Variants in AJAP1 observed in about 807,000 individuals in gnomAD.
The protein encoded by AJAP1 is adherens junctions associated protein 1.
Under a neutral mutation model 35.0 loss-of-function variants are expected in AJAP1, and 5 were observed. The ratio of observed to expected loss-of-function variants is 0.14; its 90% CI spans 0.07 to 0.30. The LOEUF (loss-of-function observed/expected upper bound fraction) is 0.30. Ranked by LOEUF, AJAP1 falls within the 10% of genes least tolerant of loss-of-function variation. The pLI is 1.00. For missense variants in AJAP1, 586 were observed against 571.0 expected, an observed-to-expected ratio of 1.03 and a Z score of -0.27; for synonymous variants, 284 against 249.3, an observed-to-expected ratio of 1.14 and a Z score of -1.31.
At chr1:4,673,004 G>A (rs2100518174) in intron 1 of AJAP1, among the ~76,000 whole-genome samples, 1 of 152,286 alleles carries the variant, frequency 6.6e-6, no homozygotes, top group East Asian at 1.9e-4. Flanking sequence ...TGAAGATGAA[G>A]GAGTGCTTCC....
At chr1:4,706,965 T>C (rs57979322) in intron 1 of AJAP1, among the ~76,000 whole-genome samples, 3,207 of 152,284 alleles carry the variant, frequency 0.021, 90 homozygotes, top group South Asian at 0.12. Flanking sequence ...AAGGAGTTTA[T>C]TCTTTCTTTG....
At chr1:4,736,244 C>T (rs775291157) in intron 2 of AJAP1, among the ~76,000 whole-genome samples, 4 of 152,208 alleles carry the variant, frequency 2.6e-5, no homozygotes, top group Non-Finnish European at 4.4e-5. Context: ...TTGCCCCTCG[C>T]CTGCTCAAGA....
intron 2 of AJAP1, among the ~76,000 whole-genome samples, chr1:4,722,773 C>G (rs1459784777): frequency 5.3e-5 from 8 of 152,168 alleles, no homozygotes. Flanking sequence ...TCTAAGGACA[C>G]TTGTCATTGG....
rs900859737 is a variant in AJAP1 at position 4,761,800 on chromosome 1, A to G, written c.830-8053A>G. Among the ~76,000 whole-genome samples, 9 of 152,308 alleles carry G rather than the reference A, an allele frequency of 5.9e-5. No individual in the cohort carries two copies. The East Asian group carries it at 1.4e-3, about 23-fold the overall frequency. Reference sequence around the variant, plus strand: ...AACATGGGAGAAAGATGGAGGCCAGAAGACTAAACCCATCTAGTCTTCTCA... The same window carrying G: ...AACATGGGAGAAAGATGGAGGCCAGGAGACTAAACCCATCTAGTCTTCTCA... On this transcript the variant is annotated intron_variant, in intron 2 of 5. Coordinates refer to ENST00000378191, the MANE Select transcript of AJAP1 (RefSeq NM_018836.4).
rs1219672870 is a variant in AJAP1 at position 4,769,837 on chromosome 1, C to CT, written c.830-13dup. The CT allele has an allele frequency of 6.2e-7, 1 of 1,611,592 alleles. No individual in the cohort carries two copies. The highest frequency in any genetic ancestry group is 1.1e-5 in the South Asian group (1 of 91,034). ...TGGTTTCACGGGTGCCCTCTTCCCT[C>CT]TTTCCTTCTTTCCAGGTCTGGCTGT... On this transcript the variant is annotated splice_polypyrimidine_tract_variant and intron_variant, in intron 2 of 5. Transcript: ENST00000378191.
intron 1 of AJAP1, among the ~76,000 whole-genome samples, chr1:4,705,395 CTTTTTTT>C (rs58022692): frequency 0.021 from 487 of 23,734 alleles, 3 homozygotes; most frequent in South Asian, 0.12. Flanking sequence ...TTTTGAAGAG[CTTTTTTT>C]TTTTTTTTTT....
chr1:4,675,728 T>C (rs1639348384), intron 1 of AJAP1, among the ~76,000 whole-genome samples: 1 of 152,262 alleles, frequency 6.6e-6, no homozygotes. Flanking sequence ...CTGACCTCTC[T>C]TGGGCAAAGT....
At chr1:4,722,456 C>T (rs1024914110) in intron 2 of AJAP1, among the ~76,000 whole-genome samples, 4 of 152,256 alleles carry the variant, frequency 2.6e-5, no homozygotes, top group African/African-American at 4.8e-5. Context: ...GCTGGAGCCT[C>T]GTCCTCTATG....
intron 1 of AJAP1, among the ~76,000 whole-genome samples, chr1:4,675,662 TCAGG>T (rs1226922591): frequency 6.6e-6 from 1 of 152,210 alleles, no homozygotes; most frequent in African/African-American, 2.4e-5. Context: ...GAAATTCTTA[TCAGG>T]CAGGACATTC....
intron 1 of AJAP1, among the ~76,000 whole-genome samples, chr1:4,683,644 C>T (rs763238): frequency 0.21 from 31,367 of 152,196 alleles, 3,510 homozygotes; most frequent in Middle Eastern, 0.36. Context: ...GTCTTTCCCC[C>T]GGGGACTCTT....
chr1:4,730,522 G>A (rs1214316629), intron 2 of AJAP1, among the ~76,000 whole-genome samples: 1 of 152,230 alleles, frequency 6.6e-6, no homozygotes, highest in African/African-American at 2.4e-5. Flanking sequence ...TGCCGAAGCT[G>A]TTGCGTGTGT....
At chr1:4,770,624 C>G (rs1641813064) in intron 3 of AJAP1, among the ~76,000 whole-genome samples, 1 of 152,192 alleles carries the variant, frequency 6.6e-6, no homozygotes, top group South Asian at 2.1e-4. Flanking sequence ...TTTCGGCATC[C>G]AGGCTTAAAA....
At chr1:4,717,738 A>G (rs1015514975) in intron 2 of AJAP1, among the ~76,000 whole-genome samples, 5 of 152,208 alleles carry the variant, frequency 3.3e-5, no homozygotes, top group African/African-American at 1.2e-4. Flanking sequence ...CAAGCCAGCC[A>G]ACCTCAGGAG....
chr1:4,663,999 C>T (rs1221203477), intron 1 of AJAP1, among the ~76,000 whole-genome samples: 1 of 152,156 alleles, frequency 6.6e-6, no homozygotes, highest in African/African-American at 2.4e-5. Context: ...TATCAGTGAA[C>T]AGTTGCATGA....
At chr1:4,729,573 G>T (rs1640751809) in intron 2 of AJAP1, among the ~76,000 whole-genome samples, 1 of 152,252 alleles carries the variant, frequency 6.6e-6, no homozygotes. Context: ...GTTCCTTCTG[G>T]GGCTGTGAGA....
At chr1:4,730,068 G>A (rs973815634) in intron 2 of AJAP1, among the ~76,000 whole-genome samples, 3 of 152,262 alleles carry the variant, frequency 2.0e-5, no homozygotes, top group Middle Eastern at 3.4e-3. Flanking sequence ...AGAAACAGGC[G>A]TTCAGTAAGA....
chr1:4,740,773 A>G (rs1641048099), intron 2 of AJAP1, among the ~76,000 whole-genome samples: 2 of 129,330 alleles, frequency 1.5e-5, no homozygotes, highest in Middle Eastern at 3.9e-3. Flanking sequence ...GCAACAGAGC[A>G]AGACTCCGTC....
At position 4,656,095 on chromosome 1, in the gene AJAP1, C is replaced by T. The variant is rs1476391359; in HGVS notation, c.29+641C>T. ...TGGGGTTCTTGGGGAGCTCCGGCGG[C>T]CACCCCGCTGTAAACACACACGCAC... On this transcript the variant is annotated intron_variant, in intron 1 of 5. Transcript: ENST00000378191. The surrounding 1 kb of genome is among the most constrained non-coding windows in gnomAD (Gnocchi z 5.7). Among the ~76,000 whole-genome samples the T allele has an allele frequency of 1.3e-5, 2 of 151,756 alleles. No homozygotes were observed. The highest frequency in any genetic ancestry group is 2.9e-5 in the Non-Finnish European group (2 of 67,940).
intron 1 of AJAP1, among the ~76,000 whole-genome samples, chr1:4,674,401 G>A (rs2100519887): frequency 6.6e-6 from 1 of 152,348 alleles, no homozygotes; most frequent in Non-Finnish European, 1.5e-5. Context: ...AGTTTTATTG[G>A]CACAGGGGCA....
Sources: allele counts gnomAD v4.1 joint callset (sites outside exome capture counted in the v4.1 genomes callset), GRCh38; gene constraint gnomAD v4.1.1; non-coding constraint Gnocchi (gnomAD v3.1); transcripts MANE v1.5; gene names NCBI Gene and HGNC (gene_info 2026-07-23, HGNC 2026-07-21).